The following WNT7B variants were observed in gnomAD, a reference collection of about 807,000 sequenced individuals.
The protein encoded by WNT7B is Wnt family member 7B, also known as protein Wnt-7b.
WNT7B carries 19 observed loss-of-function variants against 38.2 expected under a neutral mutation model. The ratio of observed to expected loss-of-function variants is 0.50; its 90% CI spans 0.35 to 0.73. The LOEUF is 0.73. Among genes scored for constraint, WNT7B ranks in the 30% least tolerant of loss-of-function variants. WNT7B has a pLI of 0.01. For synonymous variants in WNT7B, 243 were observed against 209.3 expected (o/e 1.16, Z -1.39); for missense variants, 423 against 507.9 (o/e 0.83, Z 1.61).
chr22:45,930,280 G>C (rs1390648456), intron 3 of WNT7B, among the ~76,000 whole-genome samples: 2 of 152,380 alleles, frequency 1.3e-5, no homozygotes, highest in South Asian at 4.1e-4. Context: ...CCTCAGCTAT[G>C]GTCCCTGGGC....
At position 45,951,061 on chromosome 22, in the gene WNT7B, T is replaced by C. The variant is rs917374770; in HGVS notation, c.72-915A>G. ...ACTTCAAGTGATATCAGCGGGATTG[T>C]CATTTGTTCATTTGTTTGTTTGTTT... On this transcript the variant is annotated intron_variant, in intron 1 of 3. Transcript: ENST00000339464. The surrounding 1 kb of genome is among the most constrained non-coding windows in gnomAD (Gnocchi z 4.8). Among the ~76,000 whole-genome samples the C allele has an allele frequency of 1.3e-5, 2 of 152,206 alleles. No homozygotes were observed. Among genetic ancestry groups the C allele is most frequent in the Admixed American group, 6.5e-5 (1 of 15,276 alleles).
intron 3 of WNT7B, among the ~76,000 whole-genome samples, chr22:45,929,986 C>G (rs1377823698): frequency 3.3e-5 from 2 of 61,314 alleles, no homozygotes; most frequent in African/African-American, 1.7e-4. Flanking sequence ...CCAACAATAA[C>G]TTAATAACCA....
intron 3 of WNT7B, chr22:45,927,585 T>G (rs1249866623): frequency 9.5e-7 from 1 of 1,050,250 alleles, no homozygotes; most frequent in South Asian, 1.4e-5. Context: ...CTAAATCCAA[T>G]GAGAGTGTCC....
intron 1 of WNT7B, among the ~76,000 whole-genome samples, chr22:45,955,603 G>T (rs889254978): frequency 2.6e-5 from 4 of 152,148 alleles, no homozygotes; most frequent in African/African-American, 7.2e-5. Flanking sequence ...TGGGAGCGGG[G>T]GCATTCATGT....
At chr22:45,924,939 T>C (rs28548232) in intron 3 of WNT7B, among the ~76,000 whole-genome samples, 27,719 of 91,128 alleles carry the variant, frequency 0.3, 3,936 homozygotes, top group African/African-American at 0.5. Context: ...TGGGTGGGCC[T>C]GAAGGCTCAT....
intron 2 of WNT7B, among the ~76,000 whole-genome samples, chr22:45,948,728 T>C (rs1269382780): frequency 1.3e-5 from 2 of 150,490 alleles, no homozygotes; most frequent in Admixed American, 1.3e-4. Flanking sequence ...GGCTCGGAGC[T>C]CACATCACCA....
At chr22:45,926,679 T>A (rs1236039353) in intron 3 of WNT7B, 1 of 982,584 alleles carries the variant, frequency 1.0e-6, no homozygotes, top group South Asian at 4.7e-5. Flanking sequence ...GCACCTCCCA[T>A]GCTGGCCGGT....
intron 1 of WNT7B, among the ~76,000 whole-genome samples, chr22:45,970,264 C>T (rs1264056156): frequency 6.6e-6 from 1 of 152,176 alleles, no homozygotes; most frequent in Non-Finnish European, 1.5e-5. Flanking sequence ...CAGGCCAGAC[C>T]CCAGCACTGG....
chr22:45,950,325 C>T (rs114103004), intron 1 of WNT7B, among the ~76,000 whole-genome samples, 179 bp from the exon 2 acceptor site: 1,575 of 152,336 alleles, frequency 0.01, 20 homozygotes, highest in African/African-American at 0.036. Context: ...ATGCGTGACC[C>T]CAGGAGACCA....
At position 45,921,208 on chromosome 22, in the gene WNT7B, CCT is replaced by C. The variant is rs1426708203; in HGVS notation, c.*1646_*1647del. ...CTCTCTGGCCTCGGACAAGTTCCTCCCTCTGTCACTCATGCTCCTCAGAGACA... is the reference window on the plus strand; with the variant it reads ...CTCTCTGGCCTCGGACAAGTTCCTCCCTGTCACTCATGCTCCTCAGAGACA... On this transcript the variant is annotated 3_prime_UTR_variant, in exon 4 of 4. Transcript: ENST00000339464. The C allele has an allele frequency of 1.3e-5, 2 of 152,358 alleles. No homozygotes were observed. Among genetic ancestry groups the C allele is most frequent in the African/African-American group, 4.8e-5 (2 of 41,448 alleles). The allele number at this position is 152,358 out of a possible 1,614,324, so 9.4% of individuals were successfully genotyped here. A position where few individuals can be genotyped will look rare whatever the true frequency, so the allele number is the denominator to read the frequency against.
chr22:45,923,215 TCTC>T lies in WNT7B; in HGVS notation c.688_690del (p.Glu230del), dbSNP rs1339876005. On this transcript the variant is annotated inframe_deletion, in exon 4 of 4. Transcript: ENST00000339464. Reference sequence around the variant, plus strand: ...TCCACCTGCACGGCCGCGTTGTACTTCTCCTTCAGCAGGTGGCCCACCTCTCGG... The same window carrying T: ...TCCACCTGCACGGCCGCGTTGTACTTCTTCAGCAGGTGGCCCACCTCTCGG... 2 of 1,613,046 alleles carry T rather than the reference TCTC, an allele frequency of 1.2e-6. No homozygotes were observed. Among genetic ancestry groups the T allele is most frequent in the Non-Finnish European group, 1.7e-6 (2 of 1,179,992 alleles).
chr22:45,927,653 T>C (rs980248115), intron 3 of WNT7B: 2 of 753,592 alleles, frequency 2.7e-6, no homozygotes, highest in Non-Finnish European at 2.4e-6. Context: ...CCAAGCACTT[T>C]GGGAGGCCGA....
chr22:45,927,444 C>G, intron 3 of WNT7B: 1 of 1,547,142 alleles, frequency 6.5e-7, no homozygotes. Context: ...GCTAGGGGAA[C>G]GGCATAGCAA....
chr22:45,935,014 A>C (rs1931478531), intron 2 of WNT7B, among the ~76,000 whole-genome samples: 1 of 152,200 alleles, frequency 6.6e-6, no homozygotes. Context: ...CCCATGTTAC[A>C]GACCTAGACG....
intron 1 of WNT7B, 65 bp from the exon 2 acceptor site, chr22:45,950,211 A>G (rs1245582722): frequency 2.9e-6 from 4 of 1,385,586 alleles, no homozygotes; most frequent in Non-Finnish European, 1.0e-6. Flanking sequence ...CACCCCCAAC[A>G]CCTTTCCCCC....
intron 1 of WNT7B, among the ~76,000 whole-genome samples, chr22:45,964,032 G>A (rs1429581287): frequency 6.6e-6 from 1 of 152,102 alleles, no homozygotes; most frequent in Non-Finnish European, 1.5e-5. Context: ...CGGCCCATGT[G>A]CAATCTGCAG....
intron 2 of WNT7B, among the ~76,000 whole-genome samples, chr22:45,946,653 C>T (rs1334491779): frequency 6.6e-6 from 1 of 152,170 alleles, no homozygotes; most frequent in Non-Finnish European, 1.5e-5. Context: ...GGAGGGGGGC[C>T]TAGTGTGAGC....
Position 45,975,488 on chromosome 22 carries a change from C to T in WNT7B, c.71+1196G>A, listed in dbSNP as rs1932531147. The T allele has an allele frequency of 7.0e-6, 5 of 712,378 alleles. No homozygotes were observed. The highest frequency in any genetic ancestry group is 1.7e-5 in the African/African-American group (1 of 57,208). The allele number at this position is 712,378 out of a possible 1,614,324, so 44.1% of individuals were successfully genotyped here. A position where few individuals can be genotyped will look rare whatever the true frequency, so the allele number is the denominator to read the frequency against. On this transcript the variant is annotated intron_variant, in intron 1 of 3. Coordinates refer to ENST00000339464, the MANE Select transcript of WNT7B (RefSeq NM_058238.3). The surrounding 1 kb of genome is among the most constrained non-coding windows in gnomAD (Gnocchi z 6.6). ...TCAGGCTAGGACGGGGGCTTCCAGTCCTGCCTCTGAAGCCACTGGCTTTGT... is the reference window on the plus strand; with the variant it reads ...TCAGGCTAGGACGGGGGCTTCCAGTTCTGCCTCTGAAGCCACTGGCTTTGT...
chr22:45,976,974 AG>A lies in WNT7B; in HGVS notation c.-221del. The A allele has an allele frequency of 1.0e-6, 1 of 987,166 alleles. No homozygotes were observed. Among genetic ancestry groups the A allele is most frequent in the South Asian group, 4.6e-5 (1 of 21,718 alleles). The allele number at this position is 987,166 out of a possible 1,614,324, so 61.2% of individuals were successfully genotyped here. A position where few individuals can be genotyped will look rare whatever the true frequency, so the allele number is the denominator to read the frequency against. ...CCGCGTGAGCCCGGGGAATTGACCCAGGCTGGGGGCCGCGACCTCGAAGCCC... is the reference window on the plus strand; with the variant it reads ...CCGCGTGAGCCCGGGGAATTGACCCAGCTGGGGGCCGCGACCTCGAAGCCC... On this transcript the variant is annotated 5_prime_UTR_variant, in exon 1 of 4. Transcript: ENST00000339464. This position sits in a 1 kb window ranked among gnomAD's most constrained non-coding sequence, Gnocchi z 8.5.
Sources: gnomAD v4.1 joint callset for allele counts (sites outside exome capture counted in the v4.1 genomes callset) on GRCh38, gnomAD v4.1.1 for gene constraint, Gnocchi (gnomAD v3.1) non-coding constraint, MANE v1.5 for transcripts, NCBI Gene and HGNC (gene_info 2026-07-23, HGNC 2026-07-21) for gene names.